Variants in FKTN observed in about 807,000 individuals in gnomAD.
FKTN encodes the protein ribitol-5-phosphate transferase FKTN.
In FKTN, 47 loss-of-function variants were observed where a neutral mutation model predicts 58.6. The ratio of observed to expected loss-of-function variants is 0.80; its 90% CI spans 0.63 to 1.02. FKTN has a LOEUF of 1.02. Ranked by LOEUF, FKTN falls within the 50% of genes least tolerant of loss-of-function variation. FKTN has a pLI of 0.00. For synonymous variants in FKTN, 178 were observed against 191.9 expected (o/e 0.93, Z 0.60); for missense variants, 516 against 537.3 (o/e 0.96, Z 0.39).
At chr9:105,579,305 TGCTATA>T (rs1842397409) in intron 3 of FKTN, among the ~76,000 whole-genome samples, 1 of 152,204 alleles carries the variant, frequency 6.6e-6, no homozygotes, top group Admixed American at 6.5e-5. Context: ...GGGCATTTAG[TGCTATA>T]AATTTCCCTC....
At chr9:105,606,868 C>CA (rs1171839061) in intron 6 of FKTN, among the ~76,000 whole-genome samples, 7 of 150,292 alleles carry the variant, frequency 4.7e-5, no homozygotes, top group African/African-American at 7.3e-5. Flanking sequence ...TCAAAATGAC[C>CA]AAAAAAAATG....
rs367930060 is a variant in FKTN at position 105,590,716 on chromosome 9, GT to G, written c.106-5875del. Among the ~76,000 whole-genome samples the G allele has an allele frequency of 9.1e-3, 1,380 of 152,254 alleles. 22 individuals are homozygous for G. Among genetic ancestry groups the G allele is most frequent in the African/African-American group, 0.032 (1,322 of 41,550 alleles). On this transcript the variant is annotated intron_variant, in intron 3 of 10. Transcript: ENST00000357998. ...GTTTGAGGAATGGTGAAAATCAGGA[GT>G]TTTTTTGTACGTGTTAAGTTTAAGG...
chr9:105,604,707 C>T (rs1180424920), intron 6 of FKTN, among the ~76,000 whole-genome samples: 1 of 152,062 alleles, frequency 6.6e-6, no homozygotes, highest in Admixed American at 6.5e-5. Flanking sequence ...GTAATCCCAG[C>T]ACTTTGGGAG....
intron 10 of FKTN, among the ~76,000 whole-genome samples, chr9:105,631,686 A>G (rs1833473868): frequency 6.6e-6 from 1 of 151,426 alleles, no homozygotes; most frequent in Admixed American, 6.6e-5. Flanking sequence ...ATCACTGGCC[A>G]TCAGAGAAAT....
intron 3 of FKTN, among the ~76,000 whole-genome samples, chr9:105,591,367 G>A (rs1187292693): frequency 6.6e-6 from 1 of 152,166 alleles, no homozygotes; most frequent in African/African-American, 2.4e-5. Context: ...CCCAAGATTC[G>A]ATGGGGGTAT....
Position 105,601,153 on chromosome 9 carries a change from TA to T in FKTN, c.180del (p.Lys60AsnfsTer5). On this transcript the variant is annotated frameshift_variant, in exon 5 of 11. Transcript: ENST00000357998. LOFTEE classifies it high-confidence loss of function. ...GFDSTQWRAV[K>X]KFIMLTSNQN... ...CTTTTTCTCTCAAACAGCGTGCAGT[TA>T]AAAAATTTATTATGTTAACATCCAA... is the stretch of plus-strand genomic sequence containing the variant. 6.3e-7 allele frequency: 1 copy of T among 1,592,282 alleles called. No homozygotes were observed. The highest frequency in any genetic ancestry group is 8.6e-7 in the Non-Finnish European group (1 of 1,161,274).
intron 10 of FKTN, among the ~76,000 whole-genome samples, chr9:105,628,314 A>G (rs947356588): frequency 5.3e-5 from 8 of 152,218 alleles, no homozygotes; most frequent in African/African-American, 1.9e-4. Flanking sequence ...CCAAACCGCT[A>G]GTAAGTAGCA....
rs144890434 is a variant in FKTN, at chr9:105,629,130, G to A, written c.1173-5921G>A. On this transcript the variant is annotated intron_variant, in intron 10 of 10. Coordinates refer to ENST00000357998, the MANE Select transcript of FKTN (RefSeq NM_001079802.2). Reference sequence around the variant, plus strand: ...ACCCATCAGCATTTGGGGAAGACCCGGTGAGAGGATCACTTGAGCCCAGGA... The same window carrying A: ...ACCCATCAGCATTTGGGGAAGACCCAGTGAGAGGATCACTTGAGCCCAGGA... Among the ~76,000 whole-genome samples the A allele has an allele frequency of 5.5e-4, 83 of 152,222 alleles. No individual in the cohort carries two copies. In the East Asian group the frequency reaches 6.8e-3, roughly 12 times the overall value.
At chr9:105,568,382 C>G (rs531640244) in intron 1 of FKTN, among the ~76,000 whole-genome samples, 1 of 151,976 alleles carries the variant, frequency 6.6e-6, no homozygotes, top group East Asian at 1.9e-4. Flanking sequence ...AAAATTTTTG[C>G]AATCTACTCA....
chr9:105,615,012 T>C (rs1358985327), intron 7 of FKTN, among the ~76,000 whole-genome samples: 2 of 148,966 alleles, frequency 1.3e-5, no homozygotes, highest in African/African-American at 4.9e-5. Flanking sequence ...ACCTCTCGAG[T>C]AGCTGGAACT....
At chr9:105,574,653 G>A (rs1226149665) in intron 2 of FKTN, among the ~76,000 whole-genome samples, 4 of 152,044 alleles carry the variant, frequency 2.6e-5, no homozygotes, top group African/African-American at 9.7e-5. Flanking sequence ...TCTCATACCG[G>A]ATTTACTGAA....
Position 105,635,055 on chromosome 9 carries a change from C to A in FKTN, c.1177C>A (p.Leu393Met), listed in dbSNP as rs1249398294. ...AATCCCTCTGTTTTGCTGCAGATACCTGTTTCCGAAGTTTACACTGTGCTG... is the reference window on the plus strand; with the variant it reads ...AATCCCTCTGTTTTGCTGCAGATACATGTTTCCGAAGTTTACACTGTGCTG... The part of the protein sequence containing the change: ...QAKTGKKFKY[L>M]FPKFTLCWTE... The change falls in exon 11 of 11, where the codon CTG (leucine) becomes ATG (methionine). Residue 393 changes from leucine to methionine, a missense_variant. Transcript: ENST00000357998. 1.2e-6 allele frequency: 2 copies of A among 1,614,008 alleles called. No individual in the cohort carries two copies. Among genetic ancestry groups the A allele is most frequent in the African/African-American group, 1.3e-5 (1 of 75,048 alleles).
chr9:105,610,607 G>A (rs1051190249), intron 7 of FKTN, among the ~76,000 whole-genome samples: 1 of 151,798 alleles, frequency 6.6e-6, no homozygotes, highest in Non-Finnish European at 1.5e-5. Context: ...CTGCACACAC[G>A]TAGAGGCATT....
Position 105,579,465 on chromosome 9 carries a change from G to T in FKTN, c.105+4328G>T, listed in dbSNP as rs372710352. Among the ~76,000 whole-genome samples, 132 of 151,998 alleles carry T rather than the reference G, an allele frequency of 8.7e-4. 1 individual carries two copies. The highest frequency in any genetic ancestry group is 2.5e-3 in the African/African-American group (104 of 41,366). ...GAGCAGGTTGTTCAGTTTCCATGTA[G>T]TTGAGCGGCTTTGAGTGAGTTTCTT... is the stretch of plus-strand genomic sequence containing the variant. On this transcript the variant is annotated intron_variant, in intron 3 of 10. Transcript: ENST00000357998.
chr9:105,618,317 G>T (rs1831201957), intron 9 of FKTN, among the ~76,000 whole-genome samples: 1 of 152,042 alleles, frequency 6.6e-6, no homozygotes, highest in African/African-American at 2.4e-5. Flanking sequence ...AGTAATTGTG[G>T]TTTTTGCCAT....
chr9:105,608,779 G>A (rs1306253280), intron 7 of FKTN, among the ~76,000 whole-genome samples: 2 of 152,184 alleles, frequency 1.3e-5, no homozygotes, highest in East Asian at 1.9e-4. Context: ...GTGGGCCTTC[G>A]TAGCCCTATT....
chr9:105,635,411 A>G lies in FKTN; in HGVS notation c.*147A>G. ...GACACAGAAAGAGTCATCTGATGTA[A>G]TTCTCTCACTTAGTACTGAGGAATT... On this transcript the variant is annotated 3_prime_UTR_variant, in exon 11 of 11. Coordinates refer to ENST00000357998, the MANE Select transcript of FKTN (RefSeq NM_001079802.2). 2 of 1,496,470 alleles carry G rather than the reference A, an allele frequency of 1.3e-6. No homozygotes were observed. Among genetic ancestry groups the G allele is most frequent in the East Asian group, 2.4e-5 (1 of 40,820 alleles). The allele number at this position is 1,496,470 out of a possible 1,614,324, so 92.7% of individuals were successfully genotyped here. A position where few individuals can be genotyped will look rare whatever the true frequency, so the allele number is the denominator to read the frequency against.
At chr9:105,601,091 T>C (rs1827793936) in intron 4 of FKTN, 54 bp from the exon 5 acceptor site, 1 of 966,350 alleles carries the variant, frequency 1.0e-6, no homozygotes, top group Non-Finnish European at 1.6e-6. Flanking sequence ...TGTTATAAAA[T>C]AGACTGTTGT....
intron 9 of FKTN, among the ~76,000 whole-genome samples, chr9:105,618,675 A>G (rs1426464965): frequency 2.6e-5 from 4 of 152,204 alleles, no homozygotes; most frequent in Admixed American, 6.5e-5. Context: ...ATCTCCCTCT[A>G]GACAATTTGA....
Sources: gnomAD v4.1 joint callset for allele counts (sites outside exome capture counted in the v4.1 genomes callset) on GRCh38, gnomAD v4.1.1 for gene constraint, MANE v1.5 for transcripts, NCBI Gene and HGNC (gene_info 2026-07-23, HGNC 2026-07-21) for gene names.